The following HTT variants were observed in gnomAD, a reference collection of about 807,000 sequenced individuals.
The protein encoded by HTT is huntingtin.
In HTT, 104 loss-of-function variants were observed where a neutral mutation model predicts 362.3. The observed-to-expected ratio is 0.29, with a 90% CI of 0.24 to 0.34. The LOEUF is 0.34. Ranked by LOEUF, HTT falls within the 10% of genes least tolerant of loss-of-function variation. HTT has a pLI of 1.00. For missense variants in HTT, 3,301 were observed against 3,928.6 expected (o/e 0.84, Z 4.27); for synonymous variants, 1,577 against 1,548.7 (o/e 1.02, Z -0.43).
At chr4:3,158,799 C>T (rs909275491) in intron 28 of HTT, among the ~76,000 whole-genome samples, 18 of 152,138 alleles carry the variant, frequency 1.2e-4, no homozygotes, top group Admixed American at 2.6e-4. Flanking sequence ...AAGCAGAAGA[C>T]GGCATGTTGA....
At chr4:3,117,710 G>C (rs1715099918) in intron 8 of HTT, among the ~76,000 whole-genome samples, 1 of 152,102 alleles carries the variant, frequency 6.6e-6, no homozygotes, top group African/African-American at 2.4e-5. Context: ...ATGCATGCCT[G>C]TAGTCCCAGC....
At position 3,107,403 on chromosome 4, in the gene HTT, G is replaced by A. The variant is rs75790599; in HGVS notation, c.727G>A (p.Ala243Thr). The change falls in exon 6 of 67, where the codon GCA becomes ACA. Residue 243 changes from alanine to threonine, a missense_variant. This residue lies in a region of HTT where 2,316 missense variants were observed against 2,658.5 expected (regional missense o/e 0.87). Coordinates refer to ENST00000355072, the MANE Select transcript of HTT (RefSeq NM_001388492.1). ...PKIMASFGNF[A>T]NDNEIKVLLK... ...AATTATGGCTTCTTTTGGCAATTTTGCAAATGACAATGAAATTAAGGTATG... is the reference window on the plus strand; with the variant it reads ...AATTATGGCTTCTTTTGGCAATTTTACAAATGACAATGAAATTAAGGTATG... 1.2e-6 allele frequency: 2 copies of A among 1,614,158 alleles called. No individual in the cohort carries two copies. The highest frequency in any genetic ancestry group is 1.1e-5 in the South Asian group (1 of 91,088).
intron 1 of HTT, among the ~76,000 whole-genome samples, chr4:3,083,253 G>T (rs1325648875): frequency 6.6e-6 from 1 of 152,128 alleles, no homozygotes; most frequent in African/African-American, 2.4e-5. Context: ...GGGCACAATG[G>T]TTCATGCCTG....
Position 3,229,959 on chromosome 4 carries a change from C to T in HTT, c.8182C>T (p.Arg2728Ter), listed in dbSNP as rs1721172825. 6.2e-7 allele frequency: 1 copy of T among 1,613,350 alleles called. No individual in the cohort carries two copies. The highest frequency in any genetic ancestry group is 8.5e-7 in the Non-Finnish European group (1 of 1,179,370). Residue 2728 changes from arginine to a stop codon, truncating the protein, a stop_gained, in exon 60 of 67, where the codon CGA (arginine) becomes TGA (stop). Coordinates refer to ENST00000355072, the MANE Select transcript of HTT (RefSeq NM_001388492.1). LOFTEE classifies it high-confidence loss of function. ...ELMYVTLTEL[R>*]RVHPSEDEIL... ...GATGTATGTGACGCTGACAGAACTG[C>T]GAAGGGTGCACCCTTCAGAAGACGA...
chr4:3,137,328 A>G (rs568206882), intron 21 of HTT, among the ~76,000 whole-genome samples: 1 of 152,254 alleles, frequency 6.6e-6, no homozygotes, highest in South Asian at 2.1e-4. Flanking sequence ...GTCACCCCAA[A>G]TGTATCCTTG....
chr4:3,204,175 G>A (rs778384801), intron 42 of HTT, 27 bp downstream of exon 42: 1 of 1,613,290 alleles, frequency 6.2e-7, no homozygotes, highest in East Asian at 2.2e-5. Flanking sequence ...TGTAAACGGG[G>A]TTGAGGGAGG....
At chr4:3,092,262 TC>T (rs2110147488) in intron 2 of HTT, among the ~76,000 whole-genome samples, 1 of 152,296 alleles carries the variant, frequency 6.6e-6, no homozygotes, top group East Asian at 1.9e-4. Flanking sequence ...GACCTCATGA[TC>T]CGCGCCCCTC....
At chr4:3,164,777 GATCTTCCT>G (rs1717619160) in intron 29 of HTT, among the ~76,000 whole-genome samples, 2 of 152,152 alleles carry the variant, frequency 1.3e-5, no homozygotes, top group East Asian at 3.9e-4. Context: ...TTGCTTGTTA[GATCTTCCT>G]CCATCCCTTT....
At chr4:3,224,907 G>A (rs1357449226) in intron 56 of HTT, among the ~76,000 whole-genome samples, 1 of 152,200 alleles carries the variant, frequency 6.6e-6, no homozygotes, top group Admixed American at 6.5e-5. Context: ...GAGGACCCAG[G>A]AGCAATGACC....
intron 41 of HTT, 98 bp downstream of exon 41, chr4:3,200,037 T>C: frequency 1.0e-6 from 1 of 964,296 alleles, no homozygotes; most frequent in Non-Finnish European, 1.5e-6. Context: ...AGCATTTTCA[T>C]TTTCCATTTT....
At chr4:3,155,257 T>A (rs974752523) in intron 27 of HTT, among the ~76,000 whole-genome samples, 1 of 151,928 alleles carries the variant, frequency 6.6e-6, no homozygotes, top group Non-Finnish European at 1.5e-5. Context: ...AGTCTCACTC[T>A]GTCACCCAGG....
intron 60 of HTT, among the ~76,000 whole-genome samples, chr4:3,231,625 G>A (rs1333218558): frequency 1.3e-5 from 2 of 151,872 alleles, no homozygotes; most frequent in Admixed American, 1.3e-4. Context: ...TCAGCCTGGT[G>A]CCATGCTGGT....
intron 1 of HTT, among the ~76,000 whole-genome samples, chr4:3,085,130 G>A (rs904100198): frequency 2.6e-5 from 4 of 151,978 alleles, no homozygotes; most frequent in South Asian, 2.1e-4. Flanking sequence ...GGAGGCTGGC[G>A]GAGGATTGTT....
Position 3,122,872 on chromosome 4 carries a change from C to A in HTT, c.1274-17C>A. 1 of 1,598,204 alleles carries A rather than the reference C, an allele frequency of 6.3e-7. No individual in the cohort carries two copies. The highest frequency in any genetic ancestry group is 8.5e-7 in the Non-Finnish European group (1 of 1,170,346). On this transcript the variant is annotated splice_polypyrimidine_tract_variant and intron_variant, in intron 9 of 66. Coordinates refer to ENST00000355072, the MANE Select transcript of HTT (RefSeq NM_001388492.1). Reference sequence around the variant, plus strand: ...TATCAGCTTGTTACTTTATCTGTCACTTTCTGTGATTTGCAGCTGGAGGGG... The same window carrying A: ...TATCAGCTTGTTACTTTATCTGTCAATTTCTGTGATTTGCAGCTGGAGGGG...
chr4:3,089,635 C>T (rs182869735), intron 2 of HTT, among the ~76,000 whole-genome samples: 1 of 152,360 alleles, frequency 6.6e-6, no homozygotes, highest in Non-Finnish European at 1.5e-5. Flanking sequence ...ATCCAGGTCT[C>T]AGAGAACATA....
intron 2 of HTT, among the ~76,000 whole-genome samples, chr4:3,098,073 T>G (rs185471520): frequency 6.6e-6 from 1 of 152,384 alleles, no homozygotes; most frequent in Admixed American, 6.5e-5. Flanking sequence ...TTTTTACTTT[T>G]GATGCGTCAG....
intron 24 of HTT, among the ~76,000 whole-genome samples, chr4:3,145,545 G>A (rs1247801087): frequency 6.6e-6 from 1 of 152,186 alleles, no homozygotes; most frequent in Non-Finnish European, 1.5e-5. Flanking sequence ...TATTTGCTGT[G>A]AATTAGAAGT....
chr4:3,102,864 G>A (rs1328477215), intron 3 of HTT, among the ~76,000 whole-genome samples: 1 of 152,172 alleles, frequency 6.6e-6, no homozygotes, highest in African/African-American at 2.4e-5. Flanking sequence ...CCATCTGGAC[G>A]TACTTTCTGG....
At position 3,085,018 on chromosome 4, in the gene HTT, G is replaced by A. The variant is rs556256248; in HGVS notation, c.264-1921G>A. 2.0e-5 allele frequency among the ~76,000 whole-genome samples: 3 copies of A among 148,724 alleles called. No individual in the cohort carries two copies. In the East Asian group the frequency reaches 5.9e-4, roughly 29 times the overall value. ...GACAGAGCAAGACTCCGTCTCGGGG[G>A]AAAAAAAAAAATAAATAAATAGAAT... On this transcript the variant is annotated intron_variant, in intron 1 of 66. Transcript: ENST00000355072.
Sources: gnomAD v4.1 joint callset for allele counts (sites outside exome capture counted in the v4.1 genomes callset) on GRCh38, gnomAD v4.1.1 for gene constraint, gnomAD v4.1.1 regional missense constraint, MANE v1.5 for transcripts, NCBI Gene and HGNC (gene_info 2026-07-23, HGNC 2026-07-21) for gene names.